Variants in ECPAS observed in about 807,000 individuals in gnomAD.
ECPAS encodes the protein proteasome adapter and scaffold protein ECM29.
ECPAS carries 70 observed loss-of-function variants against 255.1 expected under a neutral mutation model. That is an observed-to-expected ratio of 0.27 (90% confidence interval 0.23 to 0.33). The LOEUF is 0.33. Ranked by LOEUF, ECPAS falls within the 10% of genes least tolerant of loss-of-function variation. ECPAS has a pLI of 1.00. For missense variants in ECPAS, 1,817 were observed against 2,206.4 expected, an observed-to-expected ratio of 0.82 and a Z score of 3.54; for synonymous variants, 784 against 775.0, an observed-to-expected ratio of 1.01 and a Z score of -0.19.
At chr9:111,483,431 T>A (rs1230502337) in intron 1 of ECPAS, 1 of 820,872 alleles carries the variant, frequency 1.2e-6, no homozygotes, top group Non-Finnish European at 1.5e-6. Flanking sequence ...CCAGCCCTCA[T>A]GCGGCCGCCG....
intron 1 of ECPAS, chr9:111,483,532 G>A: frequency 2.0e-6 from 2 of 978,644 alleles, no homozygotes; most frequent in African/African-American, 1.8e-5. Context: ...CGGAGGCGGC[G>A]GCCGCAGCCA....
At chr9:111,373,129 A>G in intron 41 of ECPAS, 41 bp downstream of exon 41, 1 of 1,490,268 alleles carries the variant, frequency 6.7e-7, no homozygotes, top group Non-Finnish European at 9.4e-7. Context: ...GGCTGTTAAC[A>G]TCTAAATTTA....
At chr9:111,472,212 T>C (rs892505361) in intron 2 of ECPAS, among the ~76,000 whole-genome samples, 15 of 151,868 alleles carry the variant, frequency 9.9e-5, no homozygotes, top group Non-Finnish European at 2.1e-4. Context: ...TGTGCCACTG[T>C]ACTCCAGTCT....
intron 2 of ECPAS, among the ~76,000 whole-genome samples, chr9:111,460,098 C>T (rs893851669): frequency 1.3e-5 from 2 of 152,078 alleles, no homozygotes; most frequent in South Asian, 2.1e-4. Flanking sequence ...TCAAATCCAG[C>T]GATACATAAA....
chr9:111,364,707 C>G (rs564788529), intron 48 of ECPAS, among the ~76,000 whole-genome samples: 3 of 152,318 alleles, frequency 2.0e-5, no homozygotes, highest in African/African-American at 7.2e-5. Flanking sequence ...AACATAGTAA[C>G]TATCCAGTAG....
Position 111,410,148 on chromosome 9 carries a change from C to T in ECPAS, c.2443G>A (p.Gly815Ser). The change falls in exon 23 of 50, where the codon GGC (glycine) becomes AGC (serine). Residue 815 changes from glycine to serine, a missense_variant. Gly to Ser is a moderately conservative substitution (Grantham distance 56). Transcript: ENST00000684092. ...GGGATTGGAAGTGGACCATTTCTGC[C>T]AATTTCACCCAGGGCTGTGCAGGCA... is the stretch of plus-strand genomic sequence containing the variant. ...IAACTALGEI[G>S]RNGPLPIPSE... 2 of 1,612,574 alleles carry T rather than the reference C, an allele frequency of 1.2e-6. No homozygotes were observed. The highest frequency in any genetic ancestry group is 2.7e-5 in the African/African-American group (2 of 75,020).
At position 111,361,281 on chromosome 9, in the gene ECPAS, C is replaced by T. The variant is rs1206877483; in HGVS notation, c.*749G>A. 2 of 152,140 alleles carry T rather than the reference C, an allele frequency of 1.3e-5. No individual in the cohort carries two copies. The highest frequency in any genetic ancestry group is 2.9e-5 in the Non-Finnish European group (2 of 68,030). The allele number at this position is 152,140 out of a possible 1,614,324, so 9.4% of individuals were successfully genotyped here. On this transcript the variant is annotated 3_prime_UTR_variant, in exon 50 of 50. Transcript: ENST00000684092. ...ACTTTATCCACCTGTAAAAGGAAGACGATTGGAATTATCCGAAGGAGACTG... is the reference window on the plus strand; with the variant it reads ...ACTTTATCCACCTGTAAAAGGAAGATGATTGGAATTATCCGAAGGAGACTG...
At position 111,362,049 on chromosome 9, in the gene ECPAS, GT is replaced by G. The variant is rs778095993; in HGVS notation, c.5500del (p.Thr1834HisfsTer38). 1 of 1,611,866 alleles carries G rather than the reference GT, an allele frequency of 6.2e-7. No homozygotes were observed. ...TCTAATTTATTCCAGATTTTCAAGTGTTTTCTTCAGTAACGCTGCTTTCTCC... is the reference window on the plus strand; with the variant it reads ...TCTAATTTATTCCAGATTTTCAAGTGTTTCTTCAGTAACGCTGCTTTCTCC... ...LQEKAALLKK[T>X]LENLE On this transcript the variant is annotated frameshift_variant, in exon 50 of 50. Transcript: ENST00000684092. LOFTEE classifies it high-confidence loss of function.
chr9:111,455,845 C>G (rs909290106), intron 2 of ECPAS, among the ~76,000 whole-genome samples: 4 of 152,180 alleles, frequency 2.6e-5, no homozygotes, highest in African/African-American at 9.7e-5. Context: ...GAAGCTTGCA[C>G]CTGGTTTCCT....
At chr9:111,448,152 G>C (rs2098255745) in intron 3 of ECPAS, among the ~76,000 whole-genome samples, 1 of 151,736 alleles carries the variant, frequency 6.6e-6, no homozygotes, top group African/African-American at 2.4e-5. Context: ...CCATAAATAT[G>C]GTATAATTAT....
Position 111,404,822 on chromosome 9 carries a change from A to G in ECPAS, c.2652+3749T>C, listed in dbSNP as rs901662970. Among the ~76,000 whole-genome samples, 5 of 148,622 alleles carry G rather than the reference A, an allele frequency of 3.4e-5. 1 individual carries two copies. Among genetic ancestry groups the G allele is most frequent in the African/African-American group, 1.3e-4 (5 of 38,958 alleles). ...TGCTTATAATAGCTACCAAAAAAAA[A>G]AAAAAAAAAAAACCTAGGGATAAAT... is the stretch of plus-strand genomic sequence containing the variant. On this transcript the variant is annotated intron_variant, in intron 24 of 49. Transcript: ENST00000684092.
chr9:111,394,107 T>A lies in ECPAS; in HGVS notation c.2922+53A>T. 8 of 1,504,412 alleles carry A rather than the reference T, an allele frequency of 5.3e-6. No homozygotes were observed. In the South Asian group the frequency reaches 9.5e-5, roughly 18 times the overall value. 93.2% of individuals were successfully genotyped at this position (1,504,412 alleles called of 1,614,324 possible). A position where few individuals can be genotyped will look rare whatever the true frequency, so the allele number is the denominator to read the frequency against. ...CTTCACCCTCATATGCTTTCCTTGCTACTTATAATACTGTGGTTTCCAACA... is the reference window on the plus strand; with the variant it reads ...CTTCACCCTCATATGCTTTCCTTGCAACTTATAATACTGTGGTTTCCAACA... On this transcript the variant is annotated intron_variant, in intron 26 of 49. Coordinates refer to ENST00000684092, the MANE Select transcript of ECPAS (RefSeq NM_001364929.1).
intron 1 of ECPAS, among the ~76,000 whole-genome samples, chr9:111,474,939 C>T (rs530280954): frequency 3.9e-5 from 6 of 152,160 alleles, no homozygotes; most frequent in Non-Finnish European, 7.3e-5. Context: ...TTCACACAGC[C>T]GTAGCACCCC....
chr9:111,392,463 T>C (rs903429338), intron 28 of ECPAS, among the ~76,000 whole-genome samples: 2 of 152,238 alleles, frequency 1.3e-5, no homozygotes, highest in Non-Finnish European at 2.9e-5. Flanking sequence ...ATGAATGATA[T>C]GCAAGCTTCT....
intron 2 of ECPAS, among the ~76,000 whole-genome samples, chr9:111,468,540 G>T (rs954709419): frequency 6.6e-6 from 1 of 151,886 alleles, no homozygotes; most frequent in Non-Finnish European, 1.5e-5. Flanking sequence ...GAAGAGGAAG[G>T]GGTGAACCAG....
At chr9:111,380,765 C>T (rs770986251) in intron 35 of ECPAS, among the ~76,000 whole-genome samples, 1 of 152,242 alleles carries the variant, frequency 6.6e-6, no homozygotes, top group Middle Eastern at 3.2e-3. Context: ...GTATCAGCAA[C>T]TGCTGCTTCA....
At chr9:111,403,877 C>T (rs2098179962) in intron 24 of ECPAS, among the ~76,000 whole-genome samples, 1 of 149,536 alleles carries the variant, frequency 6.7e-6, no homozygotes, top group Non-Finnish European at 1.5e-5. Flanking sequence ...AAGTCTCAAG[C>T]AATTCAAAAA....
At chr9:111,363,027 T>TGA (rs1013876756) in intron 49 of ECPAS, among the ~76,000 whole-genome samples, 12 of 151,828 alleles carry the variant, frequency 7.9e-5, no homozygotes, top group African/African-American at 2.7e-4. Context: ...GAAAACAATT[T>TGA]GAGAGAGAGA....
intron 29 of ECPAS, among the ~76,000 whole-genome samples, chr9:111,390,643 A>T (rs557041388): frequency 1.3e-5 from 2 of 152,228 alleles, no homozygotes; most frequent in Non-Finnish European, 2.9e-5. Flanking sequence ...TTTTGATGTG[A>T]TAACAGTGTA....
Sources: gnomAD v4.1 joint callset for allele counts (sites outside exome capture counted in the v4.1 genomes callset) on GRCh38, gnomAD v4.1.1 for gene constraint, MANE v1.5 for transcripts, NCBI Gene and HGNC (gene_info 2026-07-23, HGNC 2026-07-21) for gene names.